OTOGL: variants seen among roughly 807,000 people sequenced by gnomAD.
The protein encoded by OTOGL is otogelin like.
In OTOGL, 285 loss-of-function variants were observed where a neutral mutation model predicts 318.5. The observed-to-expected ratio is 0.89, with a 90% CI of 0.81 to 0.99. OTOGL has a LOEUF of 0.99. Among genes scored for constraint, OTOGL ranks in the 50% least tolerant of loss-of-function variants. The pLI, the probability that OTOGL is intolerant of heterozygous loss-of-function variation, is 0.00. For missense variants in OTOGL, 2,899 were observed against 2,845.6 expected (o/e 1.02, Z -0.43); for synonymous variants, 987 against 936.5 (o/e 1.05, Z -0.99).
At chr12:80,115,725 T>C (rs1398007878) in intron 1 of OTOGL, among the ~76,000 whole-genome samples, 1 of 152,216 alleles carries the variant, frequency 6.6e-6, no homozygotes, top group Non-Finnish European at 1.5e-5. Context: ...GGCTGCTGCC[T>C]TTCTTTTTCA....
At chr12:80,133,964 A>G (rs947107628) in intron 1 of OTOGL, among the ~76,000 whole-genome samples, 1 of 151,878 alleles carries the variant, frequency 6.6e-6, no homozygotes, top group East Asian at 1.9e-4. Context: ...AAAACAAAAA[A>G]CCCAAACAAA....
rs148989395 is a variant in OTOGL at position 80,187,114 on chromosome 12, A to T, written c.-19-22299A>T. On this transcript the variant is annotated intron_variant, in intron 1 of 58. Transcript: ENST00000547103. The stretch of plus-strand genomic sequence containing the variant: ...CAAAGCCAGTAGTTACTTTGAACAC[A>T]TCCAGAGCTCCAAGAATCTTCAGGC... 4.6e-5 allele frequency among the ~76,000 whole-genome samples: 7 copies of T among 152,362 alleles called. No individual in the cohort carries two copies. The East Asian group carries it at 1.3e-3, about 29-fold the overall frequency.
chr12:80,366,527 A>ATATATATATATATATG, intron 52 of OTOGL, 47 bp from the exon 53 acceptor site: 1 of 323,268 alleles, frequency 3.1e-6, no homozygotes, highest in East Asian at 7.7e-5. Context: ...ATATATATAT[A>ATATATATATATATATG]TATAAAATAA....
chr12:80,377,085 A>C, intron 57 of OTOGL, 38 bp from the exon 58 acceptor site: 1 of 1,405,706 alleles, frequency 7.1e-7, no homozygotes. Context: ...AATTTAACGT[A>C]GGCCTTTGAT....
At chr12:80,236,534 C>A (rs1338487447) in intron 9 of OTOGL, among the ~76,000 whole-genome samples, 1 of 152,104 alleles carries the variant, frequency 6.6e-6, no homozygotes, top group African/African-American at 2.4e-5. Context: ...TGTTTAGTCA[C>A]ATTAAAATTC....
chr12:80,262,730 A>G (rs1882646210), intron 19 of OTOGL, among the ~76,000 whole-genome samples: 2 of 152,182 alleles, frequency 1.3e-5, no homozygotes, highest in African/African-American at 2.4e-5. Context: ...AATAAAAAAG[A>G]TATACATGTA....
At chr12:80,300,972 A>C (rs1451208563) in intron 27 of OTOGL, among the ~76,000 whole-genome samples, 3 of 152,206 alleles carry the variant, frequency 2.0e-5, no homozygotes, top group African/African-American at 7.2e-5. Flanking sequence ...TGTTCTATAC[A>C]ATATATTGTG....
intron 32 of OTOGL, among the ~76,000 whole-genome samples, 190 bp from the exon 33 acceptor site, chr12:80,318,356 C>T (rs1333879348): frequency 3.3e-5 from 5 of 152,004 alleles, no homozygotes; most frequent in Admixed American, 6.6e-5. Context: ...ACCTACAACA[C>T]GAACATCTAC....
At chr12:80,268,210 T>TAATAAC in intron 22 of OTOGL, among the ~76,000 whole-genome samples, 2 of 152,184 alleles carry the variant, frequency 1.3e-5, no homozygotes, top group African/African-American at 4.8e-5. Flanking sequence ...TAATAGACAG[T>TAATAAC]AGATAATAAC....
At chr12:80,363,941 T>C (rs1347111682) in intron 52 of OTOGL, among the ~76,000 whole-genome samples, 1 of 152,070 alleles carries the variant, frequency 6.6e-6, no homozygotes, top group Non-Finnish European at 1.5e-5. Flanking sequence ...TTTTCCCAAG[T>C]GGATTTCTAC....
chr12:80,307,738 G>A (rs1372811149), intron 29 of OTOGL, among the ~76,000 whole-genome samples: 4 of 145,956 alleles, frequency 2.7e-5, no homozygotes, highest in Non-Finnish European at 4.5e-5. Flanking sequence ...GCCGAGCGGG[G>A]GGCAGACCCC....
intron 7 of OTOGL, among the ~76,000 whole-genome samples, chr12:80,227,081 C>T (rs1878926922): frequency 6.6e-6 from 1 of 151,952 alleles, no homozygotes; most frequent in Non-Finnish European, 1.5e-5. Context: ...TATATTGGAG[C>T]TAATATATTG....
At chr12:80,173,605 A>G (rs969765133) in intron 1 of OTOGL, among the ~76,000 whole-genome samples, 3 of 152,066 alleles carry the variant, frequency 2.0e-5, no homozygotes, top group East Asian at 3.8e-4. Flanking sequence ...GTGACTTGTA[A>G]ATTGTGCTGA....
At chr12:80,131,684 A>G (rs148395188) in intron 1 of OTOGL, 190 of 152,310 alleles carry the variant, frequency 1.2e-3, no homozygotes, top group African/African-American at 4.3e-3. Flanking sequence ...GCATTTATTT[A>G]GCTTTATTAT....
Position 80,370,596 on chromosome 12 carries a change from C to A in OTOGL, c.6642C>A (p.Cys2214Ter). Reference sequence around the variant, plus strand: ...TAGGGAGTACCTGGCACTACAATTGCACCACATATGAATGTGTTAAAACTG... The same window carrying A: ...TAGGGAGTACCTGGCACTACAATTGAACCACATATGAATGTGTTAAAACTG... ...YAVGSTWHYN[C>*]TTYECVKTDE... The change falls in exon 56 of 59, where the codon TGC becomes TGA. Residue 2214 changes from cysteine (C) to a stop codon, truncating the protein, a stop_gained. Coordinates refer to ENST00000547103, the MANE Select transcript of OTOGL (RefSeq NM_001378609.3). LOFTEE classifies it high-confidence loss of function. The A allele has an allele frequency of 1.3e-6, 2 of 1,559,316 alleles. No homozygotes were observed. Among genetic ancestry groups the A allele is most frequent in the Non-Finnish European group, 1.7e-6 (2 of 1,153,566 alleles).
intron 44 of OTOGL, among the ~76,000 whole-genome samples, chr12:80,348,619 C>T (rs1261147017): frequency 6.6e-6 from 1 of 152,120 alleles, no homozygotes; most frequent in Non-Finnish European, 1.5e-5. Context: ...ATTTCTCTAC[C>T]TAAAATCCTT....
rs1566011130 is a variant in OTOGL, at chr12:80,356,475, A to G, written c.5866A>G (p.Ile1956Val). The G allele has an allele frequency of 1.9e-6, 3 of 1,612,302 alleles. No individual in the cohort carries two copies. The highest frequency in any genetic ancestry group is 1.1e-5 in the South Asian group (1 of 90,940). The change falls in exon 48 of 59, where the codon ATT (isoleucine) becomes GTT (valine). Residue 1956 changes from isoleucine to valine, a missense_variant. Ile to Val is a conservative substitution (Grantham distance 29). This residue lies in a region of OTOGL where 2,607 missense variants were observed against 2,524.9 expected (regional missense o/e 1.03). Transcript: ENST00000547103. ...IPTCTNSQKL[I>V]VGHSPLSCCP... ...AACATGTACAAATAGTCAAAAATTG[A>G]TTGTTGGCCACAGTCCTCTTTCTTG...
At chr12:80,355,699 A>G (rs1889845767) in intron 46 of OTOGL, 37 bp from the exon 47 acceptor site, 5 of 1,533,964 alleles carry the variant, frequency 3.3e-6, no homozygotes, top group South Asian at 1.2e-5. Context: ...TTTAGTGCCC[A>G]GGTTTTGAGT....
chr12:80,108,225 T>G (rs1592457486), intron 1 of OTOGL, among the ~76,000 whole-genome samples: 1 of 152,162 alleles, frequency 6.6e-6, no homozygotes, highest in Non-Finnish European at 1.5e-5. Flanking sequence ...ATTGGATTTT[T>G]GTCATATTGA....
Sources: allele counts gnomAD v4.1 joint callset (sites outside exome capture counted in the v4.1 genomes callset), GRCh38; gene constraint gnomAD v4.1.1; regional missense constraint gnomAD v4.1.1; transcripts MANE v1.5; gene names NCBI Gene and HGNC (gene_info 2026-07-23, HGNC 2026-07-21).